The following DCAF1 variants were observed in gnomAD, a reference collection of about 807,000 sequenced individuals.
DCAF1 encodes DDB1- and CUL4-associated factor 1.
A neutral mutation model predicts 128.0 loss-of-function variants in DCAF1; 15 were observed. The ratio of observed to expected loss-of-function variants is 0.12; its 90% CI spans 0.08 to 0.18. DCAF1 has a LOEUF of 0.18. Among genes scored for constraint, DCAF1 ranks in the 10% least tolerant of loss-of-function variants. The probability of loss-of-function intolerance (pLI) is 1.00; values close to 1 mark genes in which losing one functional copy is unlikely to be tolerated. For synonymous variants in DCAF1, 610 were observed against 603.0 expected (o/e 1.01, Z -0.17); for missense variants, 988 against 1,649.5 (o/e 0.60, Z 6.95).
At chr3:51,454,185 G>A (rs540206056) in intron 6 of DCAF1, among the ~76,000 whole-genome samples, 1 of 152,208 alleles carries the variant, frequency 6.6e-6, no homozygotes, top group South Asian at 2.1e-4. Flanking sequence ...TGGGACTACA[G>A]GCATGAGCTA....
chr3:51,480,800 T>C (rs1244429101), intron 3 of DCAF1, among the ~76,000 whole-genome samples: 1 of 152,100 alleles, frequency 6.6e-6, no homozygotes, highest in Non-Finnish European at 1.5e-5. Context: ...TTCATGTGTA[T>C]GTATTTTAAT....
chr3:51,498,446 T>TA lies in DCAF1; in HGVS notation c.-56+1426dup, dbSNP rs540151986. 5.3e-4 allele frequency among the ~76,000 whole-genome samples: 80 copies of TA among 151,106 alleles called. No homozygotes were observed. In the South Asian group the frequency reaches 6.3e-3, roughly 12 times the overall value. On this transcript the variant is annotated intron_variant, in intron 1 of 24. Transcript: ENST00000684031. ...AGGCTACAGGGCAAGATCCTGTATC[T>TA]AAAAAAACAGGCCAGGTGTAGTGGC... is the stretch of plus-strand genomic sequence containing the variant.
downstream of DCAF1, chr3:51,397,182 C>CTGT (rs1419906452): frequency 4.2e-5 from 7 of 167,040 alleles, no homozygotes; most frequent in African/African-American, 1.7e-4. Context: ...AACTGAGCAG[C>CTGT]TGTTATTTGG....
At chr3:51,499,544 G>A (rs1404497247) in intron 1 of DCAF1, among the ~76,000 whole-genome samples, 4 of 152,056 alleles carry the variant, frequency 2.6e-5, no homozygotes, top group African/African-American at 9.7e-5. Context: ...AGAAAACAAG[G>A]GAAATGAAAT....
chr3:51,451,069 C>CTT (rs1167474829), intron 6 of DCAF1, among the ~76,000 whole-genome samples: 3,613 of 27,086 alleles, frequency 0.13, 1,703 homozygotes, highest in Non-Finnish European at 0.2. Context: ...AAAGGAAATT[C>CTT]TTTTTTTTTT....
At chr3:51,484,336 G>A (rs1472045780) in intron 2 of DCAF1, among the ~76,000 whole-genome samples, 1 of 151,950 alleles carries the variant, frequency 6.6e-6, no homozygotes, top group Non-Finnish European at 1.5e-5. Flanking sequence ...ATCTGGACAT[G>A]GTGGCAGGTG....
At chr3:51,438,605 T>C (rs1701071656) in intron 9 of DCAF1, among the ~76,000 whole-genome samples, 2 of 151,040 alleles carry the variant, frequency 1.3e-5, no homozygotes, top group Admixed American at 1.3e-4. Context: ...GTGAATATTA[T>C]TTTCTTTTGG....
intron 5 of DCAF1, among the ~76,000 whole-genome samples, chr3:51,464,843 C>T (rs1250329826): frequency 2.0e-5 from 3 of 152,084 alleles, no homozygotes; most frequent in East Asian, 3.9e-4. Context: ...ATGTAAAAGA[C>T]GAGAAGGAAG....
intron 2 of DCAF1, among the ~76,000 whole-genome samples, chr3:51,493,990 C>T (rs1707954941): frequency 6.7e-6 from 1 of 149,064 alleles, no homozygotes; most frequent in Non-Finnish European, 1.5e-5. Flanking sequence ...GAGCGAGATT[C>T]CGTCTCAAAA....
At chr3:51,476,754 T>C (rs1177550122) in intron 3 of DCAF1, among the ~76,000 whole-genome samples, 2 of 151,700 alleles carry the variant, frequency 1.3e-5, no homozygotes, top group Non-Finnish European at 2.9e-5. Flanking sequence ...GGCGGGTGCC[T>C]GTAATCCCAG....
intron 2 of DCAF1, among the ~76,000 whole-genome samples, chr3:51,492,721 G>A (rs979169972): frequency 7.2e-5 from 11 of 152,122 alleles, no homozygotes; most frequent in Admixed American, 3.3e-4. Context: ...GGCCCCGGGC[G>A]CGGTGGCTCA....
intron 2 of DCAF1, among the ~76,000 whole-genome samples, chr3:51,490,269 T>A (rs782792309): frequency 6.6e-6 from 1 of 151,886 alleles, no homozygotes; most frequent in East Asian, 1.9e-4. Context: ...GGCAAAAAAT[T>A]AGCCAGGCAT....
intron 2 of DCAF1, among the ~76,000 whole-genome samples, chr3:51,492,036 G>T (rs1707708577): frequency 6.7e-6 from 1 of 149,962 alleles, no homozygotes; most frequent in South Asian, 2.1e-4. Context: ...CACACTGGTA[G>T]TCCCAGCTAC....
chr3:51,429,030 C>T (rs946715909), intron 12 of DCAF1, among the ~76,000 whole-genome samples: 1 of 152,122 alleles, frequency 6.6e-6, no homozygotes, highest in East Asian at 1.9e-4. Context: ...TTTATACACA[C>T]TTCAGTTAAT....
At chr3:51,425,856 G>A (rs1036221312) in intron 13 of DCAF1, among the ~76,000 whole-genome samples, 53 of 151,958 alleles carry the variant, frequency 3.5e-4, no homozygotes, top group African/African-American at 1.2e-3. Context: ...GAACCACCAC[G>A]CCTGGCCTAT....
intron 1 of DCAF1, among the ~76,000 whole-genome samples, chr3:51,498,854 A>G (rs1708524288): frequency 6.6e-6 from 1 of 152,244 alleles, no homozygotes. Flanking sequence ...GGTAAACTCC[A>G]GTAAGCTGGA....
At position 51,403,232 on chromosome 3, in the gene DCAF1, T is replaced by G; in HGVS notation, c.4376A>C (p.Glu1459Ala). Reference sequence around the variant, plus strand: ...CTCCTCTAGAAGGTTTGCTAGCTCCTCATCAGAGGGAGAGAAGTCATTGTC... The same window carrying G: ...CTCCTCTAGAAGGTTTGCTAGCTCCGCATCAGAGGGAGAGAAGTCATTGTC... ...DGDNDFSPSD[E>A]ELANLLEEGE... is the part of the protein sequence containing the mutation. Residue 1459 changes from glutamate to alanine, a missense_variant, in exon 24 of 25, where the codon GAG becomes GCG. Around this residue, in one of 11 missense-constraint regions of DCAF1, gnomAD observed 97 missense variants for 134.5 expected, o/e 0.72. Coordinates refer to ENST00000684031, the MANE Select transcript of DCAF1 (RefSeq NM_001387579.1). 1 of 1,613,906 alleles carries G rather than the reference T, an allele frequency of 6.2e-7. No homozygotes were observed. Among genetic ancestry groups the G allele is most frequent in the South Asian group, 1.1e-5 (1 of 91,048 alleles).
downstream of DCAF1, chr3:51,396,011 G>A (rs2089177766): frequency 2.4e-6 from 1 of 412,954 alleles, no homozygotes; most frequent in South Asian, 1.3e-4. Flanking sequence ...AGAAACAGGA[G>A]TGGGTCTTGT....
chr3:51,451,252 C>T (rs782488649), intron 6 of DCAF1, among the ~76,000 whole-genome samples: 12 of 149,176 alleles, frequency 8.0e-5, no homozygotes, highest in Non-Finnish European at 1.8e-4. Context: ...CCACACTCAG[C>T]ATATATATAT....
Sources: allele counts gnomAD v4.1 joint callset (sites outside exome capture counted in the v4.1 genomes callset), GRCh38; gene constraint gnomAD v4.1.1; regional missense constraint gnomAD v4.1.1; transcripts MANE v1.5; gene names NCBI Gene and HGNC (gene_info 2026-07-23, HGNC 2026-07-21).